The following RBFOX1 variants were observed in gnomAD, a reference collection of about 807,000 sequenced individuals.
RBFOX1 encodes the protein RNA binding protein fox-1 homolog 1.
A neutral mutation model predicts 57.7 loss-of-function variants in RBFOX1; 8 were observed. That is an observed-to-expected ratio of 0.14 (90% CI 0.08 to 0.25). The LOEUF (loss-of-function observed/expected upper bound fraction) is 0.25, where lower values mean the gene tolerates loss of function less well. RBFOX1 is among the 10% of genes least tolerant of loss of function. The pLI, the probability that RBFOX1 is intolerant of heterozygous loss-of-function variation, is 1.00. For missense variants in RBFOX1, 611 were observed against 548.5 expected (o/e 1.11, Z -1.14); for synonymous variants, 326 against 222.4 (o/e 1.47, Z -4.15).
chr16:6,943,780 C>T (rs1025949820), intron 3 of RBFOX1, among the ~76,000 whole-genome samples: 3 of 151,550 alleles, frequency 2.0e-5, no homozygotes, highest in Non-Finnish European at 4.4e-5. Context: ...AGCTGAACTT[C>T]AACCACTCAT....
chr16:7,271,370 C>G (rs892948954), intron 4 of RBFOX1, among the ~76,000 whole-genome samples: 2 of 151,682 alleles, frequency 1.3e-5, no homozygotes, highest in East Asian at 1.9e-4. Flanking sequence ...TCGTATCAAA[C>G]TCTCCCCAAT....
At chr16:7,372,381 C>G (rs969813804) in intron 4 of RBFOX1, among the ~76,000 whole-genome samples, 1 of 152,182 alleles carries the variant, frequency 6.6e-6, no homozygotes, top group Non-Finnish European at 1.5e-5. Context: ...GCATCTGATA[C>G]TTGCCTTGGT....
intron 1 of RBFOX1, among the ~76,000 whole-genome samples, chr16:6,259,848 C>G (rs2097691063): frequency 6.6e-6 from 1 of 151,584 alleles, no homozygotes; most frequent in East Asian, 1.9e-4. Flanking sequence ...GTAGTCCCAG[C>G]TACTCAGGAG....
At chr16:5,879,280 G>A (rs1005837246) in intron 4 of RBFOX1, among the ~76,000 whole-genome samples, 1 of 152,224 alleles carries the variant, frequency 6.6e-6, no homozygotes, top group Non-Finnish European at 1.5e-5. Context: ...GTTTCAGATG[G>A]TAAGCAGAAG....
At chr16:6,031,468 G>A (rs2095288221) in intron 1 of RBFOX1, among the ~76,000 whole-genome samples, 1 of 152,204 alleles carries the variant, frequency 6.6e-6, no homozygotes, top group Admixed American at 6.5e-5. Context: ...TTCAAGATAG[G>A]TGCGAGAATA....
intron 1 of RBFOX1, among the ~76,000 whole-genome samples, chr16:6,247,499 C>A (rs1267101322): frequency 6.6e-6 from 1 of 152,188 alleles, no homozygotes; most frequent in Admixed American, 6.5e-5. Flanking sequence ...AACAGTTCTG[C>A]AGTCATTAAG....
chr16:7,304,447 C>T, intron 4 of RBFOX1: 1 of 985,358 alleles, frequency 1.0e-6, no homozygotes, highest in Non-Finnish European at 1.2e-6. Context: ...CATGTGTCCC[C>T]AGCTTTCGTG....
At chr16:5,663,375 T>C (rs1222853928) in intron 3 of RBFOX1, among the ~76,000 whole-genome samples, 3 of 151,826 alleles carry the variant, frequency 2.0e-5, no homozygotes, top group Non-Finnish European at 2.9e-5. Context: ...CAGCTAATTT[T>C]TTTTTTTTTT....
chr16:7,597,319 A>G (rs893807494), intron 8 of RBFOX1, 52 bp from the exon 9 acceptor site: 8 of 1,373,760 alleles, frequency 5.8e-6, no homozygotes, highest in Non-Finnish European at 6.1e-6. Flanking sequence ...AACTAATTGA[A>G]TTGGGAGCTG....
chr16:7,141,048 C>T (rs1021867775), intron 4 of RBFOX1, among the ~76,000 whole-genome samples: 7 of 152,058 alleles, frequency 4.6e-5, no homozygotes, highest in African/African-American at 1.7e-4. Context: ...AGGAAGCCAC[C>T]CTCAGCAAAC....
chr16:7,073,483 C>G (rs1193316135), intron 4 of RBFOX1, among the ~76,000 whole-genome samples: 1 of 152,026 alleles, frequency 6.6e-6, no homozygotes, highest in Non-Finnish European at 1.5e-5. Context: ...AATTCAGACC[C>G]CCTACAATTC....
chr16:5,510,685 C>T (rs1408350318), intron 2 of RBFOX1, among the ~76,000 whole-genome samples: 2 of 152,144 alleles, frequency 1.3e-5, no homozygotes, highest in Non-Finnish European at 2.9e-5. Flanking sequence ...TGAGCTACTG[C>T]ATTTAAAGCT....
intron 4 of RBFOX1, among the ~76,000 whole-genome samples, chr16:7,504,737 A>ATATATT (rs1849759673): frequency 1.5e-4 from 1 of 6,492 alleles, no homozygotes; most frequent in African/African-American, 3.8e-4. Flanking sequence ...ATATATATAT[A>ATATATT]TATATATATA....
At chr16:7,351,846 C>G (rs1437845689) in intron 4 of RBFOX1, among the ~76,000 whole-genome samples, 1 of 152,094 alleles carries the variant, frequency 6.6e-6, no homozygotes, top group East Asian at 1.9e-4. Flanking sequence ...ATCTTCAGGC[C>G]CAGGCAGGAA....
chr16:6,922,292 T>C (rs1105005), intron 3 of RBFOX1, among the ~76,000 whole-genome samples: 38,939 of 151,974 alleles, frequency 0.26, 5,044 homozygotes, highest in Middle Eastern at 0.32. Flanking sequence ...TATTCAGATA[T>C]TGGAAAGCAC....
intron 2 of RBFOX1, among the ~76,000 whole-genome samples, chr16:6,644,415 A>G (rs1014589083): frequency 6.6e-6 from 1 of 152,224 alleles, no homozygotes; most frequent in Non-Finnish European, 1.5e-5. Context: ...TTGCTGTTTA[A>G]GAAGGAAGAG....
At chr16:6,355,145 A>G (rs924420103) in intron 2 of RBFOX1, among the ~76,000 whole-genome samples, 3 of 152,038 alleles carry the variant, frequency 2.0e-5, no homozygotes, top group African/African-American at 7.2e-5. Flanking sequence ...TTTTTTTATT[A>G]TTAGTATACT....
At chr16:6,905,981 C>T (rs1397586824) in intron 3 of RBFOX1, among the ~76,000 whole-genome samples, 2 of 152,200 alleles carry the variant, frequency 1.3e-5, no homozygotes, top group African/African-American at 4.8e-5. Flanking sequence ...CTGCAGGGTC[C>T]TTCTGCAGCA....
chr16:5,514,020 T>G (rs1239917980), intron 2 of RBFOX1, among the ~76,000 whole-genome samples: 1 of 152,244 alleles, frequency 6.6e-6, no homozygotes, highest in Non-Finnish European at 1.5e-5. Context: ...CCCAGATACC[T>G]GGTGTTTAGT....
Sources: allele counts gnomAD v4.1 joint callset (sites outside exome capture counted in the v4.1 genomes callset), GRCh38; gene constraint gnomAD v4.1.1; transcripts MANE v1.5; gene names NCBI Gene and HGNC (gene_info 2026-07-23, HGNC 2026-07-21).